The following TAF5 variants were observed in gnomAD, a reference collection of about 807,000 sequenced individuals.
The protein encoded by TAF5 is transcription initiation factor TFIID subunit 5.
Under a neutral mutation model 80.9 loss-of-function variants are expected in TAF5, and 20 were observed. The observed-to-expected ratio is 0.25, with a 90% CI of 0.17 to 0.36. The LOEUF (loss-of-function observed/expected upper bound fraction) is 0.36, where lower values mean the gene tolerates loss of function less well. Ranked by LOEUF, TAF5 falls within the 10% of genes least tolerant of loss-of-function variation. TAF5 has a pLI of 1.00. For missense variants in TAF5, 863 were observed against 1,029.4 expected (o/e 0.84, Z 2.21); for synonymous variants, 388 against 406.4 (o/e 0.95, Z 0.55).
intron 1 of TAF5, among the ~76,000 whole-genome samples, chr10:103,368,771 G>A (rs574705485): frequency 6.6e-6 from 1 of 152,232 alleles, no homozygotes; most frequent in Non-Finnish European, 1.5e-5. Flanking sequence ...TGAGCAGAGG[G>A]ATGTATGGGG....
intron 8 of TAF5, among the ~76,000 whole-genome samples, chr10:103,386,451 T>C (rs1345304593): frequency 6.6e-6 from 1 of 151,900 alleles, no homozygotes; most frequent in Non-Finnish European, 1.5e-5. Flanking sequence ...ACAAAACAAC[T>C]ATTTGGTGGC....
Position 103,378,288 on chromosome 10 carries a change from G to A in TAF5, c.851G>A (p.Ser284Asn), listed in dbSNP as rs1051520305. The A allele has an allele frequency of 1.2e-6, 2 of 1,614,172 alleles. No homozygotes were observed. Among genetic ancestry groups the A allele is most frequent in the Non-Finnish European group, 1.7e-6 (2 of 1,180,040 alleles). The part of the protein sequence containing the change: ...YYQDDLRVLS[S>N]LTKKEHMKGN... ...CAGGATGACCTACGAGTATTATCTA[G>A]TCTTACCAAAAAGGAACACATGAAA... Residue 284 changes from serine (S) to asparagine (N), a missense_variant, in exon 3 of 11, where the codon AGT (serine) becomes AAT (asparagine). By Grantham distance (46) the Ser-to-Asn change is conservative. Around this residue, in one of 3 missense-constraint regions of TAF5, gnomAD observed 128 missense variants for 232.2 expected, o/e 0.55. Coordinates refer to ENST00000369839, the MANE Select transcript of TAF5 (RefSeq NM_006951.5). The surrounding 1 kb of genome is among the most constrained non-coding windows in gnomAD (Gnocchi z 4.1).
At position 103,382,649 on chromosome 10, in the gene TAF5, T is replaced by A. The variant is rs190986505; in HGVS notation, c.1535-589T>A. ...AATATTTCCATAGGTTTTTTTTTTT[T>A]AATTTTAAATTTTTTTTAGATGGGG... On this transcript the variant is annotated intron_variant, in intron 6 of 10. Coordinates refer to ENST00000369839, the MANE Select transcript of TAF5 (RefSeq NM_006951.5). Among the ~76,000 whole-genome samples, 5 of 151,832 alleles carry A rather than the reference T, an allele frequency of 3.3e-5. No homozygotes were observed. The East Asian group carries it at 7.7e-4, about 23-fold the overall frequency.
At chr10:103,386,062 T>A (rs765055133) in intron 8 of TAF5, among the ~76,000 whole-genome samples, 34 of 152,076 alleles carry the variant, frequency 2.2e-4, no homozygotes, top group Admixed American at 5.2e-4. Context: ...CATCAGATAC[T>A]TAACCTTGTC....
Position 103,378,274 on chromosome 10 carries a change from A to G in TAF5, c.837A>G (p.Leu279=), listed in dbSNP as rs367898708. Residue 279 remains leucine (L), a synonymous_variant, in exon 3 of 11, where the codon CTA becomes CTG. Coordinates refer to ENST00000369839, the MANE Select transcript of TAF5 (RefSeq NM_006951.5). This position sits in a 1 kb window ranked among gnomAD's most constrained non-coding sequence, Gnocchi z 4.1. Reference sequence around the variant, plus strand: ...AGGAATGTTATTACCAGGATGACCTACGAGTATTATCTAGTCTTACCAAAA... The same window carrying G: ...AGGAATGTTATTACCAGGATGACCTGCGAGTATTATCTAGTCTTACCAAAA... ...GDQECYYQDD[L]RVLSSLTKKE... is the part of the protein sequence containing the mutation. 2.5e-6 allele frequency: 4 copies of G among 1,614,184 alleles called. No homozygotes were observed. In the African/African-American group the frequency reaches 4.0e-5, roughly 16 times the overall value.
chr10:103,368,663 TCTAGGGCCACATGCCCGCCC>T (rs1453612939), intron 1 of TAF5, 115 bp downstream of exon 1: 2 of 1,306,214 alleles, frequency 1.5e-6, no homozygotes, highest in South Asian at 1.8e-5. Context: ...TGGGCCCGCC[TCTAGGGCCACATGCCCGCCC>T]CTTTCTCTAG....
chr10:103,370,071 G>C (rs2093355696), intron 1 of TAF5, among the ~76,000 whole-genome samples: 1 of 150,974 alleles, frequency 6.6e-6, no homozygotes, highest in South Asian at 2.1e-4. Flanking sequence ...CTTTCTACTA[G>C]AAATACAAAA....
At chr10:103,369,550 A>G (rs2093354282) in intron 1 of TAF5, among the ~76,000 whole-genome samples, 1 of 151,790 alleles carries the variant, frequency 6.6e-6, no homozygotes, top group Non-Finnish European at 1.5e-5. Flanking sequence ...TTTTTAGTAG[A>G]GATGGGGTTT....
At position 103,387,274 on chromosome 10, in the gene TAF5, T is replaced by C. The variant is rs369481402; in HGVS notation, c.1929T>C (p.Ala643=). 4 of 1,614,112 alleles carry C rather than the reference T, an allele frequency of 2.5e-6. No homozygotes were observed. Among genetic ancestry groups the C allele is most frequent in the Non-Finnish European group, 1.7e-6 (2 of 1,180,042 alleles). The change falls in exon 9 of 11, where the codon GCT becomes GCC. Residue 643 remains alanine, a synonymous_variant. Transcript: ENST00000369839. ...TRFHPNSNYV[A]TGSADRTVRL... ...TCCATCCAAATTCTAATTATGTTGC[T>C]ACGGGCTCTGCAGACAGAACTGTGC... is the stretch of plus-strand genomic sequence containing the variant.
chr10:103,370,745 A>G (rs957814739), intron 1 of TAF5, among the ~76,000 whole-genome samples: 4 of 152,202 alleles, frequency 2.6e-5, no homozygotes. Flanking sequence ...TCACAAATCC[A>G]TGCAGTAAAA....
chr10:103,383,786 C>T (rs1303912009), intron 7 of TAF5, among the ~76,000 whole-genome samples: 1 of 152,046 alleles, frequency 6.6e-6, no homozygotes, highest in Non-Finnish European at 1.5e-5. Context: ...CCATGTTGGT[C>T]AGGCTGGTCT....
At chr10:103,379,450 A>C (rs1422922246) in intron 3 of TAF5, among the ~76,000 whole-genome samples, 158 bp from the exon 4 acceptor site, 2 of 152,224 alleles carry the variant, frequency 1.3e-5, no homozygotes, top group African/African-American at 4.8e-5. Flanking sequence ...TTCTGTTAGT[A>C]AGGAAAAAGG....
intron 1 of TAF5, 88 bp from the exon 2 acceptor site, chr10:103,373,270 A>G (rs1467011045): frequency 2.0e-6 from 2 of 994,100 alleles, no homozygotes; most frequent in African/African-American, 1.6e-5. Flanking sequence ...AGTCTGAGAA[A>G]CAACTCACCT....
At chr10:103,375,699 A>G (rs1015041975) in intron 2 of TAF5, among the ~76,000 whole-genome samples, 4 of 152,072 alleles carry the variant, frequency 2.6e-5, no homozygotes, top group Admixed American at 2.6e-4. Context: ...GGCCAAGTAG[A>G]AGAGATACAC....
chr10:103,375,971 T>A, intron 2 of TAF5, among the ~76,000 whole-genome samples: 1 of 150,492 alleles, frequency 6.6e-6, no homozygotes, highest in Admixed American at 6.6e-5. Flanking sequence ...GGCAGGAGAA[T>A]CACTTGAATC....
In TAF5 at chr10:103,373,504, T is replaced by C. The variant is rs1317925091; in HGVS notation, c.706T>C (p.Leu236=). The change falls in exon 2 of 11, where the codon TTG becomes CTG. Residue 236 remains leucine, a synonymous_variant. Coordinates refer to ENST00000369839, the MANE Select transcript of TAF5 (RefSeq NM_006951.5). ...TTCCCTGGACTGCCATCGGGCAGAGTTGTCCCAACTTTTTTATCCTCTGTT... is the reference window on the plus strand; with the variant it reads ...TTCCCTGGACTGCCATCGGGCAGAGCTGTCCCAACTTTTTTATCCTCTGTT... ...ECSLDCHRAE[L]SQLFYPLFVH... is the part of the protein sequence containing the mutation. The C allele has an allele frequency of 3.1e-6, 5 of 1,613,954 alleles. No homozygotes were observed. In the African/African-American group the frequency reaches 5.3e-5, roughly 17 times the overall value.
At chr10:103,379,470 C>A in intron 3 of TAF5, 138 bp from the exon 4 acceptor site, 1 of 746,086 alleles carries the variant, frequency 1.3e-6, no homozygotes, top group Non-Finnish European at 2.1e-6. Flanking sequence ...GGGAGAATGG[C>A]TATTGGGTAG....
intron 5 of TAF5, among the ~76,000 whole-genome samples, chr10:103,380,617 A>ATT (rs1344591567): frequency 4.8e-5 from 7 of 144,422 alleles, no homozygotes; most frequent in Non-Finnish European, 9.2e-5. Flanking sequence ...TTATTTATCA[A>ATT]TTTTTTTTTT....
Position 103,387,612 on chromosome 10 carries a change from A to G in TAF5, c.2099A>G (p.His700Arg). Reference protein sequence around the residue: ...DGRVLLWDIGHGLMVGELKGH... With the variant: ...DGRVLLWDIGRGLMVGELKGH... Reference sequence around the variant, plus strand: ...AGAGTGCTTCTTTGGGATATTGGACATGGTTTGATGGTTGGAGAATTAAAA... The same window carrying G: ...AGAGTGCTTCTTTGGGATATTGGACGTGGTTTGATGGTTGGAGAATTAAAA... The change falls in exon 10 of 11, where the codon CAT becomes CGT. Residue 700 changes from histidine (H) to arginine (R), a missense_variant. By Grantham distance (29) the His-to-Arg change is conservative. This residue lies in a region of TAF5 where 368 missense variants were observed against 461.7 expected (regional missense o/e 0.80). Coordinates refer to ENST00000369839, the MANE Select transcript of TAF5 (RefSeq NM_006951.5). 1 of 1,614,148 alleles carries G rather than the reference A, an allele frequency of 6.2e-7. No individual in the cohort carries two copies. The highest frequency in any genetic ancestry group is 8.5e-7 in the Non-Finnish European group (1 of 1,180,010).
Sources: allele counts gnomAD v4.1 joint callset (sites outside exome capture counted in the v4.1 genomes callset), GRCh38; gene constraint gnomAD v4.1.1; regional missense constraint gnomAD v4.1.1; non-coding constraint Gnocchi (gnomAD v3.1); transcripts MANE v1.5; gene names NCBI Gene and HGNC (gene_info 2026-07-23, HGNC 2026-07-21).